The following QARS1 variants were observed in gnomAD, a reference collection of about 807,000 sequenced individuals.
QARS1 encodes the protein glutamine--tRNA ligase.
Under a neutral mutation model 106.9 loss-of-function variants are expected in QARS1, and 79 were observed. The observed-to-expected ratio is 0.74, with a 90% CI of 0.62 to 0.89. The LOEUF is 0.89. QARS1 is among the 40% of genes least tolerant of loss of function. The probability of loss-of-function intolerance (pLI) is 0.00; values close to 1 mark genes in which losing one functional copy is unlikely to be tolerated. For missense variants in QARS1, 966 were observed against 997.2 expected (o/e 0.97, Z 0.42); for synonymous variants, 395 against 367.7 (o/e 1.07, Z -0.85).
Position 49,101,805 on chromosome 3 carries a change from A to G in QARS1, c.703+23T>C, listed in dbSNP as rs542162982. 12 of 1,609,760 alleles carry G rather than the reference A, an allele frequency of 7.5e-6. No homozygotes were observed. The East Asian group carries it at 1.6e-4, about 21-fold the overall frequency. On this transcript the variant is annotated intron_variant, in intron 8 of 23. Coordinates refer to ENST00000306125, the MANE Select transcript of QARS1 (RefSeq NM_005051.3). Reference sequence around the variant, plus strand: ...CTGCTGCCAAGATCCAGCCCTCCCCAGGGTTTTGACATGCCCACTAACCAG... The same window carrying G: ...CTGCTGCCAAGATCCAGCCCTCCCCGGGGTTTTGACATGCCCACTAACCAG...
rs534624263 is a variant in QARS1 at position 49,096,083 on chromosome 3, G to C, written c.2278-4C>G. The C allele has an allele frequency of 3.7e-6, 6 of 1,613,622 alleles. No individual in the cohort carries two copies. The highest frequency in any genetic ancestry group is 2.2e-5 in the East Asian group (1 of 44,876). On this transcript the variant is annotated splice_region_variant and splice_polypyrimidine_tract_variant and intron_variant, in intron 23 of 23. Coordinates refer to ENST00000306125, the MANE Select transcript of QARS1 (RefSeq NM_005051.3). ...TGACAGTTCGGTTAAAGACAAGCTG[G>C]AGGGCAGAGGGAAAAGGATGACCAC...
At position 49,098,638 on chromosome 3, in the gene QARS1, G is replaced by C; in HGVS notation, c.1918C>G (p.His640Asp). 6.2e-7 allele frequency: 1 copy of C among 1,611,510 alleles called. No homozygotes were observed. The highest frequency in any genetic ancestry group is 1.3e-5 in the African/African-American group (1 of 74,980). ...TGCAGCTCAATGACGTAGCCTGTAT[G>C]CCTCAGGCCCACAGGCTGGCCCCAA... ...LAWGQPVGLR[H>D]TGYVIELQHV... Residue 640 changes from histidine to aspartate, a missense_variant, in exon 20 of 24, where the codon CAT becomes GAT. By Grantham distance (81) the His-to-Asp change is moderately conservative. Coordinates refer to ENST00000306125, the MANE Select transcript of QARS1 (RefSeq NM_005051.3).
chr3:49,104,549 C>T (rs1244317269), intron 1 of QARS1, 68 bp downstream of exon 1: 14 of 1,600,126 alleles, frequency 8.7e-6, no homozygotes, highest in Non-Finnish European at 1.2e-5. Context: ...AGGTCGGGAT[C>T]TGGACCCCGC....
rs367793549 is a variant in QARS1 at position 49,101,629 on chromosome 3, A to G, written c.780T>C (p.Thr260=). 4.8e-5 allele frequency: 77 copies of G among 1,613,620 alleles called. No homozygotes were observed. The highest frequency in any genetic ancestry group is 6.1e-5 in the Non-Finnish European group (72 of 1,180,008). The change falls in exon 9 of 24, where the codon ACT becomes ACC. Residue 260 remains threonine (T), a synonymous_variant. Coordinates refer to ENST00000306125, the MANE Select transcript of QARS1 (RefSeq NM_005051.3). The part of the protein sequence containing the change: ...MNLLKQHLEI[T]GGQVRTRFPP... ...CCACATCCCCACACACCTGCCCACC[A>G]GTAATCTCCAGGTGCTGCTTTAGTA...
intron 5 of QARS1, 75 bp downstream of exon 5, chr3:49,103,270 T>C: frequency 6.6e-7 from 1 of 1,506,370 alleles, no homozygotes; most frequent in Non-Finnish European, 9.2e-7. Context: ...CTTCCTGCCT[T>C]TTATCCCTTA....
chr3:49,103,734 G>C (rs774791657), intron 3 of QARS1, 28 bp from the exon 4 acceptor site: 7 of 1,611,498 alleles, frequency 4.3e-6, no homozygotes, highest in Non-Finnish European at 5.1e-6. Context: ...ATGTGGTTCA[G>C]GAAAGCCACC....
Position 49,100,001 on chromosome 3 carries a change from G to T in QARS1, c.1255C>A (p.Arg419=). 1 of 1,614,168 alleles carries T rather than the reference G, an allele frequency of 6.2e-7. No homozygotes were observed. Among genetic ancestry groups the T allele is most frequent in the Non-Finnish European group, 8.5e-7 (1 of 1,180,032 alleles). Residue 419 remains arginine (R), a synonymous_variant, in exon 14 of 24, where the codon CGA becomes AGA. Transcript: ENST00000306125. ...CGGTGGTGTGGTGTATACTTGACTC[G>T]ATAGGCTACAGGGTCCATCTTGCCA... ...EDGKMDPVAY[R]VKYTPHHRTG...
chr3:49,100,666 A>G lies in QARS1; in HGVS notation c.885T>C (p.Asn295=), dbSNP rs764963898. 3 of 1,599,270 alleles carry G rather than the reference A, an allele frequency of 1.9e-6. No individual in the cohort carries two copies. The highest frequency in any genetic ancestry group is 4.5e-5 in the East Asian group (2 of 44,824). ...CATCAAAACGCAGAAAACAGATGCC[A>G]TTGTTGGCCTAGGAAAGTTGCACCA... The part of the protein sequence containing the change: ...NFNFGYAKAN[N]GICFLRFDDT... Residue 295 remains asparagine (N), a synonymous_variant, in exon 11 of 24, where the codon AAT becomes AAC. Coordinates refer to ENST00000306125, the MANE Select transcript of QARS1 (RefSeq NM_005051.3).
In QARS1 at chr3:49,098,045, G is replaced by A. The variant is rs1239412542; in HGVS notation, c.2224C>T (p.Gln742Ter). The change falls in exon 23 of 24, where the codon CAG becomes TAG. Residue 742 changes from glutamine (Q) to a stop codon, truncating the protein, a stop_gained. Transcript: ENST00000306125. LOFTEE classifies it high-confidence loss of function. ...GAGAAATATCCAAGACGCTCAAACT[G>A]GAACTTGTCGAAGGGTTTTGCCAGG... ...VALAKPFDKF[Q>*]FERLGYFSVD... The A allele has an allele frequency of 1.2e-6, 2 of 1,614,190 alleles. No homozygotes were observed. The highest frequency in any genetic ancestry group is 1.7e-5 in the Admixed American group (1 of 60,020).
intron 6 of QARS1, 44 bp from the exon 7 acceptor site, chr3:49,102,309 C>T: frequency 6.2e-7 from 1 of 1,614,136 alleles, no homozygotes; most frequent in South Asian, 1.1e-5. Context: ...ATCAAATTTT[C>T]TCTTGGATAG....
intron 23 of QARS1, among the ~76,000 whole-genome samples, chr3:49,096,628 T>C (rs1362533465): frequency 1.3e-5 from 2 of 151,402 alleles, no homozygotes; most frequent in Non-Finnish European, 2.9e-5. Flanking sequence ...TGAAACCCCG[T>C]CTCTACTAAA....
Position 49,100,006 on chromosome 3 carries a change from G to C in QARS1, c.1250C>G (p.Ala417Gly). 6.2e-7 allele frequency: 1 copy of C among 1,614,190 alleles called. No homozygotes were observed. The highest frequency in any genetic ancestry group is 2.2e-5 in the East Asian group (1 of 44,882). The part of the protein sequence containing the change: ...VMEDGKMDPV[A>G]YRVKYTPHHR... ...GTGTGGTGTATACTTGACTCGATAGGCTACAGGGTCCATCTTGCCATCCTC... is the reference window on the plus strand; with the variant it reads ...GTGTGGTGTATACTTGACTCGATAGCCTACAGGGTCCATCTTGCCATCCTC... The change falls in exon 14 of 24, where the codon GCC becomes GGC. Residue 417 changes from alanine (A) to glycine (G), a missense_variant. Transcript: ENST00000306125.
Position 49,099,618 on chromosome 3 carries a change from G to C in QARS1, c.1418C>G (p.Ala473Gly), listed in dbSNP as rs1064797070. The change falls in exon 16 of 24, where the codon GCA becomes GGA. Residue 473 changes from alanine (A) to glycine (G), a missense_variant. Transcript: ENST00000306125. ...CTGCACAGGGCAATAGACGTCCAGT[G>C]CATTGCAAAGCCAGAAGTAGGAAGA... Reference protein sequence around the residue: ...RRSSYFWLCNALDVYCPVQWE... With the variant: ...RRSSYFWLCNGLDVYCPVQWE... The C allele has an allele frequency of 1.2e-6, 2 of 1,614,026 alleles. No individual in the cohort carries two copies. Among genetic ancestry groups the C allele is most frequent in the African/African-American group, 2.7e-5 (2 of 74,928 alleles).
chr3:49,103,479 A>G (rs1195121545), intron 4 of QARS1, 70 bp from the exon 5 acceptor site: 10 of 1,599,986 alleles, frequency 6.3e-6, no homozygotes, highest in Non-Finnish European at 6.0e-6. Flanking sequence ...TTCCCAAGGA[A>G]AGGTCCTGGC....
intron 23 of QARS1, among the ~76,000 whole-genome samples, chr3:49,096,829 A>AAAAAAAAAAAAT (rs2042399190): frequency 7.5e-6 from 1 of 133,070 alleles, no homozygotes; most frequent in Non-Finnish European, 1.6e-5. Context: ...AAAAAAAAAA[A>AAAAAAAAAAAAT]AAAAAATTTG....
Position 49,103,968 on chromosome 3 carries a change from G to A in QARS1, c.270C>T (p.Ala90=), listed in dbSNP as rs2042505160. Residue 90 remains alanine (A), a synonymous_variant, in exon 3 of 24, where the codon GCC becomes GCT. Transcript: ENST00000306125. ...KIHTEPQLSA[A]LEYVRSHPLD... ...AGGGGTGACTCCGCACATACTCAAGGGCAGCTGAGAAGAAAGAGCCCGTGA... is the reference window on the plus strand; with the variant it reads ...AGGGGTGACTCCGCACATACTCAAGAGCAGCTGAGAAGAAAGAGCCCGTGA... 5 of 1,613,438 alleles carry A rather than the reference G, an allele frequency of 3.1e-6. No homozygotes were observed. The highest frequency in any genetic ancestry group is 3.3e-5 in the Admixed American group (2 of 59,998).
rs1559968143 is a variant in QARS1, at chr3:49,100,590, T to C, written c.961A>G (p.Met321Val). 1.2e-6 allele frequency: 2 copies of C among 1,606,138 alleles called. No homozygotes were observed. Among genetic ancestry groups the C allele is most frequent in the Non-Finnish European group, 1.7e-6 (2 of 1,172,752 alleles). ...TAGTCCATACCTAGCCAGGCTACCA[T>C]GTCACAGATGGCCGTGAAGAACTTT... ...EAKFFTAICD[M>V]VAWLGYTPYK... Residue 321 changes from methionine (M) to valine (V), a missense_variant, in exon 11 of 24, where the codon ATG becomes GTG. Physicochemically the swap from Met to Val is conservative, Grantham distance 21. Transcript: ENST00000306125.
Position 49,102,194 on chromosome 3 carries a change from A to T in QARS1, c.631+11T>A. On this transcript the variant is annotated intron_variant, in intron 7 of 23. Transcript: ENST00000306125. ...AGCTGAATGCTGTGACAGGAGTCTC[A>T]AGCTTCTCACCATTCTCCACCACAT... 1 of 1,614,186 alleles carries T rather than the reference A, an allele frequency of 6.2e-7. No homozygotes were observed. Among genetic ancestry groups the T allele is most frequent in the East Asian group, 2.2e-5 (1 of 44,882 alleles).
At chr3:49,100,745 G>A (rs762797693) in intron 10 of QARS1, 71 bp from the exon 11 acceptor site, 3 of 1,231,520 alleles carry the variant, frequency 2.4e-6, no homozygotes, top group Non-Finnish European at 3.6e-6. Flanking sequence ...ATCAAACTAG[G>A]ATATTCACAG....
Sources: allele counts gnomAD v4.1 joint callset (sites outside exome capture counted in the v4.1 genomes callset), GRCh38; gene constraint gnomAD v4.1.1; transcripts MANE v1.5; gene names NCBI Gene and HGNC (gene_info 2026-07-23, HGNC 2026-07-21).